C12orf54: variants seen among roughly 807,000 people sequenced by gnomAD.
C12orf54 encodes chromosome 12 open reading frame 54, also known as uncharacterized protein C12orf54.
In C12orf54, 24 loss-of-function variants were observed where a neutral mutation model predicts 26.4. The ratio of observed to expected loss-of-function variants is 0.91; its 90% CI spans 0.66 to 1.28. C12orf54 has a LOEUF of 1.28. Ranked by LOEUF, C12orf54 falls within the 50% of genes most tolerant of loss-of-function variation. The pLI, the probability that C12orf54 is intolerant of heterozygous loss-of-function variation, is 0.00. For synonymous variants in C12orf54, 54 were observed against 47.0 expected (o/e 1.15, Z -0.61); for missense variants, 154 against 150.9 (o/e 1.02, Z -0.11).
At chr12:48,420,475 A>T in the C12orf54 span, among the ~76,000 whole-genome samples, 1 of 152,174 alleles carries the variant, frequency 6.6e-6, no homozygotes, top group Non-Finnish European at 1.5e-5. Flanking sequence ...AATGTGTGTA[A>T]ATATTCTCCA....
At chr12:48,453,420 T>A in the C12orf54 span, among the ~76,000 whole-genome samples, 1 of 151,178 alleles carries the variant, frequency 6.6e-6, no homozygotes, top group Non-Finnish European at 1.5e-5. Flanking sequence ...TGAGATGATC[T>A]GTGCAGCAAA....
the C12orf54 span, among the ~76,000 whole-genome samples, chr12:48,439,926 G>A: frequency 1.3e-5 from 2 of 151,872 alleles, no homozygotes; most frequent in African/African-American, 2.4e-5. Context: ...TAAAAAATAA[G>A]AAATAAAAAT....
At chr12:48,434,924 G>A in the C12orf54 span, among the ~76,000 whole-genome samples, 3 of 152,160 alleles carry the variant, frequency 2.0e-5, no homozygotes, top group African/African-American at 7.2e-5. Flanking sequence ...TGACTTTGAC[G>A]AGTTGAGAGA....
the C12orf54 span, among the ~76,000 whole-genome samples, chr12:48,431,522 C>A: frequency 6.6e-6 from 1 of 151,944 alleles, no homozygotes; most frequent in African/African-American, 2.4e-5. Context: ...ATGAAAATTA[C>A]AAATCACCAA....
the C12orf54 span, among the ~76,000 whole-genome samples, chr12:48,444,853 G>A: frequency 6.6e-6 from 1 of 152,146 alleles, no homozygotes; most frequent in Non-Finnish European, 1.5e-5. Context: ...CAGTCACAAA[G>A]GTTGCTCCAA....
At chr12:48,471,403 G>A in the C12orf54 span, among the ~76,000 whole-genome samples, 1 of 152,104 alleles carries the variant, frequency 6.6e-6, no homozygotes, top group African/African-American at 2.4e-5. Flanking sequence ...ACCAACATAG[G>A]AGTGCAGATA....
intron 2 of C12orf54, among the ~76,000 whole-genome samples, chr12:48,485,667 G>A (rs4397895): frequency 0.13 from 19,277 of 152,238 alleles, 1,612 homozygotes; most frequent in Non-Finnish European, 0.2. Flanking sequence ...TTAGGAATAA[G>A]AGCTTCAGTT....
chr12:48,417,391 C>T, the C12orf54 span: 1 of 152,192 alleles, frequency 6.6e-6, no homozygotes, highest in East Asian at 1.9e-4. Flanking sequence ...ACTTCATTTT[C>T]TGCTTCCCTA....
chr12:48,467,852 G>C, the C12orf54 span, among the ~76,000 whole-genome samples: 1 of 151,970 alleles, frequency 6.6e-6, no homozygotes, highest in Non-Finnish European at 1.5e-5. Flanking sequence ...TCTTTTGTTG[G>C]GGGGCCATGT....
At chr12:48,418,303 G>A in the C12orf54 span, among the ~76,000 whole-genome samples, 249 of 152,270 alleles carry the variant, frequency 1.6e-3, 1 homozygote, top group African/African-American at 5.4e-3. Flanking sequence ...GTCAATAAAC[G>A]GCAAGGTAAG....
At chr12:48,481,740 C>A (rs978613408), upstream of C12orf54, among the ~76,000 whole-genome samples, 4 of 152,162 alleles carry the variant, frequency 2.6e-5, no homozygotes, top group South Asian at 2.1e-4. Context: ...ATCACCTGGG[C>A]AGGCTATGGG....
At chr12:48,460,589 CT>C in the C12orf54 span, among the ~76,000 whole-genome samples, 1 of 152,062 alleles carries the variant, frequency 6.6e-6, no homozygotes, top group South Asian at 2.1e-4. Context: ...TGATAATTGA[CT>C]ATTTAAAGAG....
At chr12:48,481,623 G>A (rs1439425858), upstream of C12orf54, among the ~76,000 whole-genome samples, 1 of 152,132 alleles carries the variant, frequency 6.6e-6, no homozygotes, top group South Asian at 2.1e-4. Context: ...TCCATCTGTT[G>A]TACATACCCT....
At chr12:48,479,456 T>C (rs1465046337), upstream of C12orf54, among the ~76,000 whole-genome samples, 6 of 152,090 alleles carry the variant, frequency 3.9e-5, no homozygotes, top group African/African-American at 1.2e-4. Context: ...GGCACATGTA[T>C]ACATATGTAA....
At chr12:48,472,926 C>T in the C12orf54 span, 9 of 1,614,130 alleles carry the variant, frequency 5.6e-6, no homozygotes, top group Non-Finnish European at 7.6e-6. Context: ...AGAAAAGTGT[C>T]CAAACCTCAT....
chr12:48,423,988 TC>T, the C12orf54 span, among the ~76,000 whole-genome samples: 2 of 152,206 alleles, frequency 1.3e-5, no homozygotes, highest in South Asian at 4.1e-4. Context: ...AATATATATG[TC>T]CCTTTACAAG....
At chr12:48,446,063 G>T in the C12orf54 span, among the ~76,000 whole-genome samples, 3 of 152,332 alleles carry the variant, frequency 2.0e-5, no homozygotes, top group South Asian at 6.2e-4. Context: ...TGAAAGGACA[G>T]ACGGAAAACA....
the C12orf54 span, among the ~76,000 whole-genome samples, chr12:48,454,160 C>T: frequency 2.9e-5 from 4 of 137,428 alleles, no homozygotes; most frequent in East Asian, 4.1e-4. Flanking sequence ...AGAAGTCGTG[C>T]GATCTCAGCT....
chr12:48,425,704 T>C, the C12orf54 span, among the ~76,000 whole-genome samples: 1 of 152,072 alleles, frequency 6.6e-6, no homozygotes, highest in East Asian at 1.9e-4. Context: ...CAGTGTATAT[T>C]AGCATTCCCT....
Sources: gnomAD v4.1 joint callset for allele counts (sites outside exome capture counted in the v4.1 genomes callset) on GRCh38, gnomAD v4.1.1 for gene constraint, MANE v1.5 for transcripts, NCBI Gene and HGNC (gene_info 2026-07-23, HGNC 2026-07-21) for gene names.